The following ESRRG variants were observed in gnomAD, a reference collection of about 807,000 sequenced individuals.
ESRRG encodes the protein estrogen-related receptor gamma.
A neutral mutation model predicts 44.0 loss-of-function variants in ESRRG; 13 were observed. The observed-to-expected ratio is 0.30, with a 90% CI of 0.19 to 0.47. The LOEUF (loss-of-function observed/expected upper bound fraction) is 0.47. ESRRG is among the 20% of genes least tolerant of loss of function. The pLI, the probability that ESRRG is intolerant of heterozygous loss-of-function variation, is 1.00. For missense variants in ESRRG, 395 were observed against 580.6 expected (o/e 0.68, Z 3.29); for synonymous variants, 215 against 214.6 (o/e 1.00, Z -0.02).
chr1:217,066,500 C>T (rs542654263), intron 1 of ESRRG, among the ~76,000 whole-genome samples: 2 of 152,236 alleles, frequency 1.3e-5, no homozygotes, highest in East Asian at 3.9e-4. Context: ...CTCGGCCTCC[C>T]AGAGTGCTGG....
At chr1:216,876,349 T>C (rs2096352347) in intron 2 of ESRRG, among the ~76,000 whole-genome samples, 1 of 152,170 alleles carries the variant, frequency 6.6e-6, no homozygotes, top group African/African-American at 2.4e-5. Context: ...CTTTCATTAC[T>C]GACATTCTGA....
chr1:216,764,697 T>C (rs949804805), intron 2 of ESRRG, among the ~76,000 whole-genome samples: 1 of 152,126 alleles, frequency 6.6e-6, no homozygotes, highest in African/African-American at 2.4e-5. Context: ...AATTTGATAT[T>C]TTCTACTAGA....
At chr1:216,815,589 T>C (rs1225375227) in intron 2 of ESRRG, among the ~76,000 whole-genome samples, 1 of 152,160 alleles carries the variant, frequency 6.6e-6, no homozygotes, top group East Asian at 1.9e-4. Flanking sequence ...GGCTCAGGCC[T>C]CCCTGGCTTG....
At chr1:216,530,137 GGT>G (rs1228057563) in intron 5 of ESRRG, among the ~76,000 whole-genome samples, 5 of 141,700 alleles carry the variant, frequency 3.5e-5, no homozygotes, top group African/African-American at 1.1e-4. Context: ...AAAAAAAGGG[GGT>G]GGGGGAAAGA....
intron 5 of ESRRG, among the ~76,000 whole-genome samples, chr1:216,560,237 T>C (rs2058454761): frequency 6.6e-6 from 1 of 152,148 alleles, no homozygotes; most frequent in African/African-American, 2.4e-5. Context: ...CTATTTGATA[T>C]CATTACAATA....
chr1:216,919,090 A>T (rs1164864287), intron 2 of ESRRG, among the ~76,000 whole-genome samples: 1 of 152,114 alleles, frequency 6.6e-6, no homozygotes, highest in Non-Finnish European at 1.5e-5. Flanking sequence ...GTATAAATTC[A>T]CTTCCTTATC....
intron 1 of ESRRG, chr1:216,985,876 A>G (rs1321760860): frequency 6.6e-6 from 1 of 152,218 alleles, no homozygotes; most frequent in African/African-American, 2.4e-5. Context: ...GAGTCATACA[A>G]ATGTATACCA....
chr1:216,725,739 T>C (rs1415281217), upstream of ESRRG, among the ~76,000 whole-genome samples: 1 of 152,178 alleles, frequency 6.6e-6, no homozygotes, highest in Non-Finnish European at 1.5e-5. Flanking sequence ...GGTTTGGCTA[T>C]GGATATTTCT....
chr1:216,868,837 A>C (rs2096214838), intron 2 of ESRRG, among the ~76,000 whole-genome samples: 1 of 152,134 alleles, frequency 6.6e-6, no homozygotes, highest in African/African-American at 2.4e-5. Flanking sequence ...ACGTCCTTTC[A>C]TGTGTTTATA....
At chr1:216,661,153 T>A (rs2072270892) in intron 2 of ESRRG, among the ~76,000 whole-genome samples, 1 of 152,204 alleles carries the variant, frequency 6.6e-6, no homozygotes, top group African/African-American at 2.4e-5. Context: ...GGCAACTGTT[T>A]TTTACAGTGT....
At chr1:216,586,646 G>A (rs753939420) in intron 3 of ESRRG, among the ~76,000 whole-genome samples, 12 of 143,916 alleles carry the variant, frequency 8.3e-5, no homozygotes, top group East Asian at 2.1e-4. Context: ...GCACCATCTC[G>A]GCTTACTGCA....
At chr1:216,611,281 G>C (rs2060631675) in intron 3 of ESRRG, among the ~76,000 whole-genome samples, 1 of 147,628 alleles carries the variant, frequency 6.8e-6, no homozygotes, top group South Asian at 2.1e-4. Context: ...TTTGATATAA[G>C]TGGTAAGTTC....
intron 2 of ESRRG, among the ~76,000 whole-genome samples, chr1:216,889,193 G>C (rs2057440639): frequency 6.6e-6 from 1 of 152,112 alleles, no homozygotes; most frequent in Non-Finnish European, 1.5e-5. Flanking sequence ...TTGGTGGGAG[G>C]GGGTCAAAAT....
At chr1:217,127,009 A>ATAACTGAAAAATCTCTGCC (rs1420626825) in intron 1 of ESRRG, among the ~76,000 whole-genome samples, 2 of 152,236 alleles carry the variant, frequency 1.3e-5, no homozygotes, top group African/African-American at 2.4e-5. Context: ...AATAAATTCT[A>ATAACTGAAAAATCTCTGCC]TAACTGAAAA....
At chr1:216,778,548 T>C (rs1205289165) in intron 2 of ESRRG, among the ~76,000 whole-genome samples, 1 of 151,844 alleles carries the variant, frequency 6.6e-6, no homozygotes. Context: ...AGCAGCAGTC[T>C]CTAATTACCT....
chr1:216,736,568 G>A (rs1392178143), intron 2 of ESRRG, among the ~76,000 whole-genome samples: 1 of 152,136 alleles, frequency 6.6e-6, no homozygotes, highest in Non-Finnish European at 1.5e-5. Context: ...TACCATCTCT[G>A]AAGCTCCCCT....
intron 1 of ESRRG, among the ~76,000 whole-genome samples, chr1:216,681,567 G>T (rs1011113948): frequency 1.3e-5 from 2 of 152,078 alleles, no homozygotes; most frequent in East Asian, 3.9e-4. Context: ...AAAACAGTTT[G>T]AGATACAGCA....
intron 3 of ESRRG, among the ~76,000 whole-genome samples, chr1:216,624,496 C>A (rs186453166): frequency 6.6e-6 from 1 of 152,278 alleles, no homozygotes; most frequent in African/African-American, 2.4e-5. Flanking sequence ...ATCAAGACAT[C>A]ATTTTTACGC....
chr1:216,968,808 G>T (rs1351951890), intron 1 of ESRRG, among the ~76,000 whole-genome samples: 1 of 151,774 alleles, frequency 6.6e-6, no homozygotes. Flanking sequence ...GGTCAAGTTG[G>T]CAAGAGCTGA....
Sources: gnomAD v4.1 joint callset for allele counts (sites outside exome capture counted in the v4.1 genomes callset) on GRCh38, gnomAD v4.1.1 for gene constraint, MANE v1.5 for transcripts, NCBI Gene and HGNC (gene_info 2026-07-23, HGNC 2026-07-21) for gene names.